Variants in DNAI7 observed in about 807,000 individuals in gnomAD.
DNAI7 encodes cancer susceptibility 1.
A neutral mutation model predicts 86.6 loss-of-function variants in DNAI7; 78 were observed. That is an observed-to-expected ratio of 0.90 (90% CI 0.75 to 1.09). DNAI7 has a LOEUF of 1.09. Ranked by LOEUF, DNAI7 falls within the 50% of genes least tolerant of loss-of-function variation. The pLI, the probability that DNAI7 is intolerant of heterozygous loss-of-function variation, is 0.00. For synonymous variants in DNAI7, 274 were observed against 273.0 expected (o/e 1.00, Z -0.04); for missense variants, 753 against 810.2 (o/e 0.93, Z 0.86).
intron 7 of DNAI7, among the ~76,000 whole-genome samples, chr12:25,148,838 C>CTAGCACAGTAAG (rs1945166627): frequency 6.6e-6 from 1 of 152,170 alleles, no homozygotes; most frequent in Non-Finnish European, 1.5e-5. Flanking sequence ...TGCTTGCCTT[C>CTAGCACAGTAAG]TAGCACAGTA....
intron 9 of DNAI7, among the ~76,000 whole-genome samples, chr12:25,140,116 T>C (rs972927443): frequency 1.3e-5 from 2 of 152,140 alleles, no homozygotes; most frequent in Non-Finnish European, 2.9e-5. Flanking sequence ...TTGAAAGCAT[T>C]ACCCCTGAGA....
At position 25,119,432 on chromosome 12, in the gene DNAI7, CAA is replaced by C. The variant is rs112131083; in HGVS notation, c.1240-133_1240-132del. The C allele has an allele frequency of 5.4e-4, 274 of 509,140 alleles. 1 individual carries two copies. The highest frequency in any genetic ancestry group is 5.0e-3 in the African/African-American group (255 of 50,526). The allele number at this position is 509,140 out of a possible 1,614,324, so 31.5% of individuals were successfully genotyped here. On this transcript the variant is annotated intron_variant, in intron 11 of 15. Coordinates refer to ENST00000395987, the MANE Select transcript of DNAI7 (RefSeq NM_018272.5). ...TTGATCCTATTTATATATAGATTAA[CAA>C]AATGTCACAACAAAATTTAAAAGAT...
intron 15 of DNAI7, 120 bp downstream of exon 15, chr12:25,110,007 G>C: frequency 1.6e-6 from 1 of 615,142 alleles, no homozygotes; most frequent in South Asian, 2.0e-5. Context: ...ATTCCGTATT[G>C]AATGTTAATT....
chr12:25,113,942 T>TG (rs1939515125), intron 13 of DNAI7, among the ~76,000 whole-genome samples: 1 of 78,400 alleles, frequency 1.3e-5, no homozygotes, highest in Admixed American at 1.5e-4. Flanking sequence ...TTCTGGGTTT[T>TG]TTTTTTTTTT....
chr12:25,184,186 TCA>T (rs1335306818), intron 2 of DNAI7, among the ~76,000 whole-genome samples: 2 of 152,238 alleles, frequency 1.3e-5, no homozygotes, highest in African/African-American at 4.8e-5. Flanking sequence ...TTTAGTATAT[TCA>T]CAGAGTTGTG....
At chr12:25,114,036 C>T (rs1423827155) in intron 13 of DNAI7, among the ~76,000 whole-genome samples, 1 of 144,538 alleles carries the variant, frequency 6.9e-6, no homozygotes, top group Non-Finnish European at 1.5e-5. Context: ...ACCTCCCCTT[C>T]CCAGGTTCAA....
intron 2 of DNAI7, among the ~76,000 whole-genome samples, chr12:25,167,744 C>T (rs534702114): frequency 9.9e-5 from 15 of 152,104 alleles, no homozygotes; most frequent in Non-Finnish European, 1.9e-4. Flanking sequence ...CCAGCAAGAC[C>T]TCCCCAGACA....
chr12:25,172,784 C>A (rs1948288031), intron 2 of DNAI7, among the ~76,000 whole-genome samples: 1 of 152,022 alleles, frequency 6.6e-6, no homozygotes, highest in East Asian at 1.9e-4. Context: ...AATAGAGAAC[C>A]CAGAAATAAA....
chr12:25,140,824 T>C (rs977722880), intron 9 of DNAI7, among the ~76,000 whole-genome samples: 45 of 152,090 alleles, frequency 3.0e-4, no homozygotes, highest in African/African-American at 1.0e-3. Context: ...TATTAAGCTA[T>C]AGTCACCAAA....
At chr12:25,156,360 A>T (rs933289380) in intron 4 of DNAI7, among the ~76,000 whole-genome samples, 5 of 152,236 alleles carry the variant, frequency 3.3e-5, no homozygotes, top group Non-Finnish European at 7.3e-5. Context: ...AACTCAAAAT[A>T]TCTGTTGCCA....
intron 9 of DNAI7, among the ~76,000 whole-genome samples, chr12:25,125,370 G>C (rs568936669): frequency 3.7e-4 from 56 of 152,258 alleles, no homozygotes; most frequent in Middle Eastern, 6.8e-3. Context: ...CTAATGATCA[G>C]CGATATTGGG....
At chr12:25,117,535 C>A (rs958202250) in intron 12 of DNAI7, among the ~76,000 whole-genome samples, 1 of 152,118 alleles carries the variant, frequency 6.6e-6, no homozygotes, top group Non-Finnish European at 1.5e-5. Flanking sequence ...GTACTCCTCT[C>A]ATCTAGGATC....
chr12:25,107,052 T>C, downstream of DNAI7: 2 of 1,517,052 alleles, frequency 1.3e-6, no homozygotes, highest in Non-Finnish European at 1.8e-6. Flanking sequence ...CTCTTCAGTG[T>C]AAGTTATCTA....
chr12:25,154,529 A>G, intron 5 of DNAI7, 73 bp from the exon 6 acceptor site: 1 of 1,517,072 alleles, frequency 6.6e-7, no homozygotes, highest in Non-Finnish European at 8.9e-7. Flanking sequence ...TCTTTTTTGA[A>G]GGTGAATTTT....
chr12:25,162,006 A>C (rs1946886506), intron 2 of DNAI7, among the ~76,000 whole-genome samples: 2 of 152,232 alleles, frequency 1.3e-5, no homozygotes. Flanking sequence ...CCATTTTGGC[A>C]ACAATTAACA....
chr12:25,174,330 T>TCATATATGATATATATATCCCA lies in DNAI7; in HGVS notation c.22-13134_22-13133insTGGGATATATATATCATATATG, dbSNP rs138273017. Among the ~76,000 whole-genome samples, 293 of 48,674 alleles carry TCATATATGATATATATATCCCA rather than the reference T, an allele frequency of 6.0e-3. 18 individuals carry two copies. Among genetic ancestry groups the TCATATATGATATATATATCCCA allele is most frequent in the South Asian group, 0.013 (18 of 1,420 alleles). 31.9% of individuals were successfully genotyped at this position (48,674 alleles called of 152,430 possible). ...TGTTTTTATTGCATTTGCATTTGTA[T>TCATATATGATATATATATCCCA]CATATATGATATATATATGATATAT... On this transcript the variant is annotated intron_variant, in intron 2 of 15. Coordinates refer to ENST00000395987, the MANE Select transcript of DNAI7 (RefSeq NM_018272.5).
chr12:25,174,593 GAT>G (rs1221666301), intron 2 of DNAI7, among the ~76,000 whole-genome samples: 1,393 of 60,364 alleles, frequency 0.023, 114 homozygotes, highest in Non-Finnish European at 0.03. Flanking sequence ...ATATATATGG[GAT>G]ATATATATGA....
chr12:25,188,867 T>C (rs140617480), intron 2 of DNAI7, among the ~76,000 whole-genome samples: 8 of 152,326 alleles, frequency 5.3e-5, no homozygotes, highest in South Asian at 4.1e-4. Flanking sequence ...TAAGATTTCA[T>C]AGTCTAAAGC....
chr12:25,115,828 G>T (rs1049201202), intron 12 of DNAI7, among the ~76,000 whole-genome samples: 18 of 152,172 alleles, frequency 1.2e-4, no homozygotes, highest in African/African-American at 4.3e-4. Flanking sequence ...ATACTGAACT[G>T]AAAACATGTC....
Sources: allele counts gnomAD v4.1 joint callset (sites outside exome capture counted in the v4.1 genomes callset), GRCh38; gene constraint gnomAD v4.1.1; transcripts MANE v1.5; gene names NCBI Gene and HGNC (gene_info 2026-07-23, HGNC 2026-07-21).